Variants in SEMA3E observed in about 807,000 individuals in gnomAD.
SEMA3E encodes the protein semaphorin-3E.
A neutral mutation model predicts 93.6 loss-of-function variants in SEMA3E; 49 were observed. That is an observed-to-expected ratio of 0.52 (90% CI 0.42 to 0.66). SEMA3E has a LOEUF of 0.66. SEMA3E is among the 30% of genes least tolerant of loss of function. SEMA3E has a pLI of 0.00. For synonymous variants in SEMA3E, 363 were observed against 330.7 expected (o/e 1.10, Z -1.06); for missense variants, 906 against 964.8 (o/e 0.94, Z 0.81).
Position 83,385,291 on chromosome 7 carries a change from T to A in SEMA3E, c.1875+3A>T. 3 of 1,613,066 alleles carry A rather than the reference T, an allele frequency of 1.9e-6. No homozygotes were observed. The highest frequency in any genetic ancestry group is 2.5e-6 in the Non-Finnish European group (3 of 1,179,302). ...ATGTTTTGAATATGCAGCTATGAAT[T>A]ACCTCCTCTTTTCTTGTCTCACGTC... On this transcript the variant is annotated splice_donor_region_variant and intron_variant, in intron 16 of 16. Coordinates refer to ENST00000643230, the MANE Select transcript of SEMA3E (RefSeq NM_012431.3).
chr7:83,648,630 GAGAGGCTTTGTC>G lies in SEMA3E; in HGVS notation c.-100_-89del. The G allele has an allele frequency of 1.1e-6, 1 of 940,152 alleles. No individual in the cohort carries two copies. Among genetic ancestry groups the G allele is most frequent in the Non-Finnish European group, 1.7e-6 (1 of 586,430 alleles). The allele number at this position is 940,152 out of a possible 1,614,324, so 58.2% of individuals were successfully genotyped here. A position where few individuals can be genotyped will look rare whatever the true frequency, so the allele number is the denominator to read the frequency against. On this transcript the variant is annotated 5_prime_UTR_variant, in exon 1 of 17. It removes the in-frame stop codon of an upstream open reading frame in the 5' UTR. Transcript: ENST00000643230. The stretch of plus-strand genomic sequence containing the variant: ...GGACTTCCCTCCAGGGGCAGCGTGC[GAGAGGCTTTGTC>G]AGAAATCGAACGCGTTGTCATCAGA...
intron 1 of SEMA3E, among the ~76,000 whole-genome samples, chr7:83,634,658 T>C (rs1374805099): frequency 6.6e-6 from 1 of 152,046 alleles, no homozygotes; most frequent in Non-Finnish European, 1.5e-5. Context: ...CGAATTTTGC[T>C]TTGGGGAATT....
At chr7:83,429,093 AT>A (rs529163444) in intron 4 of SEMA3E, among the ~76,000 whole-genome samples, 503 of 152,118 alleles carry the variant, frequency 3.3e-3, no homozygotes, top group Middle Eastern at 6.8e-3. Context: ...ATATATTAAG[AT>A]TTTTTTCAAA....
In SEMA3E at chr7:83,532,777, T is replaced by G. The variant is rs532750944; in HGVS notation, c.116-42503A>C. ...ATAATCTGACTGAAATTATTTCCTGTTTTTTTTTTAAAAAAAGAAAGAAAA... is the reference window on the plus strand; with the variant it reads ...ATAATCTGACTGAAATTATTTCCTGGTTTTTTTTTAAAAAAAGAAAGAAAA... On this transcript the variant is annotated intron_variant, in intron 1 of 16. Transcript: ENST00000643230. Among the ~76,000 whole-genome samples, 13 of 61,326 alleles carry G rather than the reference T, an allele frequency of 2.1e-4. No homozygotes were observed. In the East Asian group the frequency reaches 7.0e-3, roughly 33 times the overall value. 40.2% of individuals were successfully genotyped at this position (61,326 alleles called of 152,430 possible).
rs866255026 is a variant in SEMA3E at position 83,472,897 on chromosome 7, C to T, written c.277-3595G>A. ...TGATAGTTTCATAAGGGGCTGTTCC[C>T]CCTTGGCTTGGCACTGCTCCTTCCT... is the stretch of plus-strand genomic sequence containing the variant. On this transcript the variant is annotated intron_variant, in intron 2 of 16. Transcript: ENST00000643230. Among the ~76,000 whole-genome samples, 3 of 152,146 alleles carry T rather than the reference C, an allele frequency of 2.0e-5. No homozygotes were observed. In the South Asian group the frequency reaches 6.2e-4, roughly 32 times the overall value.
chr7:83,372,093 T>C (rs1794757190), intron 16 of SEMA3E: 2 of 392,366 alleles, frequency 5.1e-6, no homozygotes, highest in Non-Finnish European at 9.0e-6. Context: ...AATGAGAACA[T>C]ACTAATTCAT....
chr7:83,436,341 G>GAACAGA (rs1424871553), intron 4 of SEMA3E, among the ~76,000 whole-genome samples: 3 of 61,488 alleles, frequency 4.9e-5, no homozygotes, highest in African/African-American at 1.3e-4. Flanking sequence ...AAGAGGAGAA[G>GAACAGA]AATAGAAATA....
chr7:83,382,780 T>C (rs1254177329), intron 16 of SEMA3E, among the ~76,000 whole-genome samples: 3 of 151,856 alleles, frequency 2.0e-5, no homozygotes, highest in African/African-American at 7.2e-5. Context: ...ATAGAGATTA[T>C]GTTCCATTTG....
chr7:83,502,336 G>A (rs549316767), intron 1 of SEMA3E, among the ~76,000 whole-genome samples: 93 of 152,188 alleles, frequency 6.1e-4, no homozygotes, highest in African/African-American at 1.9e-3. Context: ...TGTTCCTACC[G>A]TTGTTTCCCA....
In SEMA3E at chr7:83,490,344, T is replaced by C. The variant is rs925864025; in HGVS notation, c.116-70A>G. ...AAATACCTTTATCACCCTTTTCTCATAGCTCTGTTTTCATCCCTATTGGAA... is the reference window on the plus strand; with the variant it reads ...AAATACCTTTATCACCCTTTTCTCACAGCTCTGTTTTCATCCCTATTGGAA... On this transcript the variant is annotated intron_variant, in intron 1 of 16. Coordinates refer to ENST00000643230, the MANE Select transcript of SEMA3E (RefSeq NM_012431.3). 6 of 1,504,318 alleles carry C rather than the reference T, an allele frequency of 4.0e-6. No homozygotes were observed. The African/African-American group carries it at 8.3e-5, about 21-fold the overall frequency. The allele number at this position is 1,504,318 out of a possible 1,614,324, so 93.2% of individuals were successfully genotyped here.
chr7:83,592,870 C>A (rs1432045663), intron 1 of SEMA3E, among the ~76,000 whole-genome samples: 1 of 152,104 alleles, frequency 6.6e-6, no homozygotes, highest in African/African-American at 2.4e-5. Flanking sequence ...TGAATAAAAT[C>A]AATTAAGCTG....
intron 2 of SEMA3E, among the ~76,000 whole-genome samples, chr7:83,471,633 T>C (rs1057072977): frequency 1.3e-5 from 2 of 152,196 alleles, no homozygotes; most frequent in African/African-American, 4.8e-5. Context: ...TTGCAAGCTA[T>C]ACTGAGGATT....
intron 4 of SEMA3E, among the ~76,000 whole-genome samples, chr7:83,460,738 C>G (rs1029307788): frequency 1.3e-5 from 2 of 151,150 alleles, no homozygotes; most frequent in Non-Finnish European, 2.9e-5. Context: ...ATCTCTGTGC[C>G]CCGGCCCCTT....
chr7:83,539,867 G>C (rs1584318361), intron 1 of SEMA3E, among the ~76,000 whole-genome samples: 2 of 95,024 alleles, frequency 2.1e-5, no homozygotes, highest in East Asian at 1.0e-3. Flanking sequence ...GTGTGTGTGT[G>C]TGTGTGTGTG....
intron 1 of SEMA3E, among the ~76,000 whole-genome samples, chr7:83,534,024 T>C (rs1791359594): frequency 6.6e-6 from 1 of 152,146 alleles, no homozygotes; most frequent in African/African-American, 2.4e-5. Context: ...GGGAAGAAAA[T>C]GAAGTTTCCA....
chr7:83,451,643 G>A (rs1206139403), intron 4 of SEMA3E, among the ~76,000 whole-genome samples: 1 of 152,210 alleles, frequency 6.6e-6, no homozygotes, highest in African/African-American at 2.4e-5. Flanking sequence ...TGCATTGTGT[G>A]CTTGACAGAA....
chr7:83,418,239 T>C, intron 5 of SEMA3E, 151 bp downstream of exon 5: 1 of 681,778 alleles, frequency 1.5e-6, no homozygotes. Flanking sequence ...TTAACATGGC[T>C]TGAAATTTAA....
rs529971656 is a variant in SEMA3E at position 83,454,172 on chromosome 7, T to G, written c.456+12310A>C. On this transcript the variant is annotated intron_variant, in intron 4 of 16. Transcript: ENST00000643230. ...ACTCGGGAGGCTGAGGCAGGAGAAT[T>G]GCGTGAACCCGGGAGGCGGAGCTTG... 1.7e-4 allele frequency among the ~76,000 whole-genome samples: 25 copies of G among 146,074 alleles called. No individual in the cohort carries two copies. The South Asian group carries it at 2.4e-3, about 14-fold the overall frequency.
chr7:83,626,790 G>T (rs2078687778), intron 1 of SEMA3E, among the ~76,000 whole-genome samples: 1 of 152,082 alleles, frequency 6.6e-6, no homozygotes, highest in Admixed American at 6.6e-5. Context: ...TCTTTTAATT[G>T]TGATGTTAGG....
Sources: gnomAD v4.1 joint callset for allele counts (sites outside exome capture counted in the v4.1 genomes callset) on GRCh38, gnomAD v4.1.1 for gene constraint, MANE v1.5 for transcripts, NCBI Gene and HGNC (gene_info 2026-07-23, HGNC 2026-07-21) for gene names.